Variants in GALNT3 observed in about 807,000 individuals in gnomAD.
GALNT3 encodes GalNAc transferase 3.
In GALNT3, 51 loss-of-function variants were observed where a neutral mutation model predicts 69.8. That is an observed-to-expected ratio of 0.73 (90% CI 0.58 to 0.92). GALNT3 has a LOEUF of 0.92. Among genes scored for constraint, GALNT3 ranks in the 40% least tolerant of loss-of-function variants. The probability of loss-of-function intolerance (pLI) is 0.00; values close to 1 mark genes in which losing one functional copy is unlikely to be tolerated. For synonymous variants in GALNT3, 265 were observed against 248.5 expected, an observed-to-expected ratio of 1.07 and a Z score of -0.63; for missense variants, 711 against 760.0, an observed-to-expected ratio of 0.94 and a Z score of 0.76.
chr2:165,773,945 T>C (rs1411664660), intron 1 of GALNT3, among the ~76,000 whole-genome samples: 1 of 152,200 alleles, frequency 6.6e-6, no homozygotes, highest in East Asian at 1.9e-4. Flanking sequence ...CCTGGCCTAA[T>C]GGGCTTTAGT....
chr2:165,759,654 A>G, intron 4 of GALNT3, 84 bp from the exon 5 acceptor site: 1 of 977,294 alleles, frequency 1.0e-6, no homozygotes, highest in Non-Finnish European at 1.6e-6. Flanking sequence ...TTACAGAGAA[A>G]TGAGAATAAC....
chr2:165,749,987 G>A, intron 9 of GALNT3, 93 bp from the exon 10 acceptor site: 1 of 1,135,246 alleles, frequency 8.8e-7, no homozygotes, highest in Non-Finnish European at 1.3e-6. Context: ...AAATAATAAA[G>A]TCATTTCTAT....
intron 4 of GALNT3, among the ~76,000 whole-genome samples, chr2:165,759,869 C>T (rs967272889): frequency 5.9e-5 from 9 of 152,066 alleles, no homozygotes; most frequent in African/African-American, 2.2e-4. Flanking sequence ...GTAAGAACAT[C>T]TAAGATCTAC....
intron 1 of GALNT3, chr2:165,771,425 T>TC (rs1291386823): frequency 6.6e-6 from 1 of 152,202 alleles, no homozygotes; most frequent in Non-Finnish European, 1.5e-5. Flanking sequence ...TGTTGTTATA[T>TC]AACAGCTAGT....
chr2:165,766,512 AG>A (rs1214333932), intron 2 of GALNT3, among the ~76,000 whole-genome samples: 1 of 152,246 alleles, frequency 6.6e-6, no homozygotes, highest in Non-Finnish European at 1.5e-5. Flanking sequence ...CACAGTGCCA[AG>A]CCTGCTGAAT....
rs753199090 is a variant in GALNT3, at chr2:165,755,021, G to A, written c.1435C>T (p.Arg479Cys). ...CATGTAAAATTTTTACACTGAAGGC[G>A]GTGTTTTATTTCAAATCTTTTTGAA... ...DLSKRFEIKHRLQCKNFTWYL... is the reference protein window; with the variant it reads ...DLSKRFEIKHCLQCKNFTWYL... The change falls in exon 8 of 11, where the codon CGC (arginine) becomes TGC (cysteine). Residue 479 changes from arginine (R) to cysteine (C), a missense_variant. Arg to Cys is a radical substitution (Grantham distance 180). Coordinates refer to ENST00000392701, the MANE Select transcript of GALNT3 (RefSeq NM_004482.4). The A allele has an allele frequency of 2.2e-5, 35 of 1,611,406 alleles. 1 individual carries two copies. Among genetic ancestry groups the A allele is most frequent in the African/African-American group, 5.3e-5 (4 of 74,798 alleles).
intron 1 of GALNT3, among the ~76,000 whole-genome samples, chr2:165,771,072 T>C (rs1007182474): frequency 1.3e-5 from 2 of 152,110 alleles, no homozygotes; most frequent in African/African-American, 4.8e-5. Flanking sequence ...ATATCCACTA[T>C]ATACTATGTA....
At chr2:165,786,089 T>C (rs990701347) in intron 1 of GALNT3, among the ~76,000 whole-genome samples, 2 of 152,212 alleles carry the variant, frequency 1.3e-5, no homozygotes, top group Admixed American at 6.5e-5. Flanking sequence ...GTGAGAATTA[T>C]GTTGGGAGGT....
At chr2:165,761,328 C>T (rs565845135) in intron 4 of GALNT3, among the ~76,000 whole-genome samples, 3 of 152,232 alleles carry the variant, frequency 2.0e-5, no homozygotes, top group Admixed American at 6.5e-5. Flanking sequence ...TCCCATTCCT[C>T]AGTCTCCCTA....
intron 2 of GALNT3, among the ~76,000 whole-genome samples, 198 bp from the exon 3 acceptor site, chr2:165,765,254 AGAT>A (rs1688618032): frequency 6.6e-6 from 1 of 152,218 alleles, no homozygotes; most frequent in Non-Finnish European, 1.5e-5. Context: ...ACTCACCCAG[AGAT>A]GATGTCTACC....
At chr2:165,794,348 T>C (rs1174604433), upstream of GALNT3, 1 of 152,360 alleles carries the variant, frequency 6.6e-6, no homozygotes, top group African/African-American at 2.4e-5. Context: ...GTGAGAACCT[T>C]GGATCGCGCG....
rs574435312 is a variant in GALNT3, at chr2:165,753,496, C to A, written c.1626+1131G>T. On this transcript the variant is annotated intron_variant, in intron 9 of 10. Transcript: ENST00000392701. ...AATGCCCTTTTCTATACCCCCAGAA[C>A]ACTCTGAATGCTTTATCCTAAGGAA... 3.2e-4 allele frequency among the ~76,000 whole-genome samples: 48 copies of A among 151,984 alleles called. 2 individuals carry two copies. Among genetic ancestry groups the A allele is most frequent in the Admixed American group, 2.9e-3 (44 of 15,268 alleles).
chr2:165,784,327 G>T (rs1574017278), intron 1 of GALNT3, among the ~76,000 whole-genome samples: 1 of 152,174 alleles, frequency 6.6e-6, no homozygotes, highest in Non-Finnish European at 1.5e-5. Context: ...CGTTGAAGTT[G>T]TGCTGAATAT....
At chr2:165,763,978 T>C (rs1270518643) in intron 3 of GALNT3, among the ~76,000 whole-genome samples, 4 of 152,194 alleles carry the variant, frequency 2.6e-5, no homozygotes, top group Non-Finnish European at 5.9e-5. Context: ...TAAAATGAGA[T>C]ATCTGACCTT....
chr2:165,772,990 C>T (rs1688779661), intron 1 of GALNT3, among the ~76,000 whole-genome samples: 1 of 152,008 alleles, frequency 6.6e-6, no homozygotes, highest in African/African-American at 2.4e-5. Flanking sequence ...TTTTTCAGCC[C>T]CAGTAAAGGT....
At chr2:165,776,837 C>T (rs970645128) in intron 1 of GALNT3, among the ~76,000 whole-genome samples, 1 of 152,130 alleles carries the variant, frequency 6.6e-6, no homozygotes, top group African/African-American at 2.4e-5. Context: ...ATCTAACTAA[C>T]AAGTGGTAGC....
intron 7 of GALNT3, among the ~76,000 whole-genome samples, chr2:165,756,733 G>T (rs3791848): frequency 0.5 from 75,997 of 151,790 alleles, 19,293 homozygotes; most frequent in East Asian, 0.63. Context: ...CCTTTATTTA[G>T]GTGTTATATC....
At chr2:165,788,095 G>A (rs1039316353) in intron 1 of GALNT3, among the ~76,000 whole-genome samples, 4 of 152,066 alleles carry the variant, frequency 2.6e-5, no homozygotes, top group Admixed American at 6.6e-5. Context: ...TTGGGAGGCC[G>A]AGGCGGGAGA....
intron 4 of GALNT3, chr2:165,761,652 A>G (rs1688550590): frequency 1.5e-6 from 1 of 676,228 alleles, no homozygotes; most frequent in South Asian, 1.7e-5. Context: ...ACTGGCTGGA[A>G]CAGCTAGTAA....
Sources: gnomAD v4.1 joint callset for allele counts (sites outside exome capture counted in the v4.1 genomes callset) on GRCh38, gnomAD v4.1.1 for gene constraint, MANE v1.5 for transcripts, NCBI Gene and HGNC (gene_info 2026-07-23, HGNC 2026-07-21) for gene names.